Variants in THSD4 observed in about 807,000 individuals in gnomAD.
THSD4 encodes the protein thrombospondin type-1 domain-containing protein 4.
In THSD4, 69 loss-of-function variants were observed where a neutral mutation model predicts 119.0. That is an observed-to-expected ratio of 0.58 (90% CI 0.48 to 0.71). The LOEUF (loss-of-function observed/expected upper bound fraction) is 0.71. Among genes scored for constraint, THSD4 ranks in the 30% least tolerant of loss-of-function variants. The pLI, the probability that THSD4 is intolerant of heterozygous loss-of-function variation, is 0.00. For missense variants in THSD4, 1,393 were observed against 1,391.1 expected, an observed-to-expected ratio of 1.00 and a Z score of -0.02; for synonymous variants, 524 against 540.4, an observed-to-expected ratio of 0.97 and a Z score of 0.42.
In THSD4 at chr15:71,343,129, A is replaced by G. The variant is rs149983106; in HGVS notation, c.1016-68558A>G. On this transcript the variant is annotated intron_variant, in intron 6 of 17. Coordinates refer to ENST00000261862, the MANE Select transcript of THSD4 (RefSeq NM_024817.3). ...GACTAAGCCAGTGGCTCATGCCTGT[A>G]ATCCCAACATTTTGGGAGGCAGAGG... Among the ~76,000 whole-genome samples, 17 of 152,292 alleles carry G rather than the reference A, an allele frequency of 1.1e-4. No individual in the cohort carries two copies. In the East Asian group the frequency reaches 3.3e-3, roughly 29 times the overall value.
chr15:71,709,018 G>A (rs1342717184), intron 8 of THSD4, among the ~76,000 whole-genome samples: 1 of 152,192 alleles, frequency 6.6e-6, no homozygotes. Flanking sequence ...GTGCAGTTAC[G>A]TGGGAGGTAG....
At chr15:71,531,653 CAG>C (rs2048611745) in intron 7 of THSD4, among the ~76,000 whole-genome samples, 1 of 152,230 alleles carries the variant, frequency 6.6e-6, no homozygotes, top group Admixed American at 6.5e-5. Flanking sequence ...TTATTTAAAA[CAG>C]AGAATACACT....
intron 3 of THSD4, among the ~76,000 whole-genome samples, chr15:71,194,779 G>A (rs142833702): frequency 5.3e-5 from 8 of 152,236 alleles, no homozygotes; most frequent in African/African-American, 1.7e-4. Context: ...CATTCACTTC[G>A]GTGGCTCCCA....
Position 71,510,413 on chromosome 15 carries a change from T to C in THSD4, c.1152+98590T>C, listed in dbSNP as rs115706880. Among the ~76,000 whole-genome samples, 1,233 of 152,300 alleles carry C rather than the reference T, an allele frequency of 8.1e-3. 19 individuals carry two copies. The highest frequency in any genetic ancestry group is 0.028 in the African/African-American group (1,160 of 41,566). On this transcript the variant is annotated intron_variant, in intron 7 of 17. Coordinates refer to ENST00000261862, the MANE Select transcript of THSD4 (RefSeq NM_024817.3). ...TGGAGCTTATCTTTCAGAGGGGAGATTGATAATAAATGCACGGACATAGAA... is the reference window on the plus strand; with the variant it reads ...TGGAGCTTATCTTTCAGAGGGGAGACTGATAATAAATGCACGGACATAGAA...
chr15:71,426,873 T>G (rs978141408), intron 7 of THSD4, among the ~76,000 whole-genome samples: 2 of 152,220 alleles, frequency 1.3e-5, no homozygotes, highest in East Asian at 3.8e-4. Context: ...AGATTAAAAT[T>G]ATTCAGTAAA....
At chr15:71,195,653 G>GT in intron 3 of THSD4, among the ~76,000 whole-genome samples, 2 of 152,284 alleles carry the variant, frequency 1.3e-5, no homozygotes, top group South Asian at 4.1e-4. Context: ...TGGTACTGAG[G>GT]ATCCACTGAA....
rs146054505 is a variant in THSD4 at position 71,379,660 on chromosome 15, G to A, written c.1016-32027G>A. On this transcript the variant is annotated intron_variant, in intron 6 of 17. Coordinates refer to ENST00000261862, the MANE Select transcript of THSD4 (RefSeq NM_024817.3). Reference sequence around the variant, plus strand: ...TTTTTAGTAGAGACAGGGTTTCACCGTGTTAGCCAGGATGGTCTCAATCTC... The same window carrying A: ...TTTTTAGTAGAGACAGGGTTTCACCATGTTAGCCAGGATGGTCTCAATCTC... 5.8e-3 allele frequency among the ~76,000 whole-genome samples: 881 copies of A among 151,382 alleles called. 9 individuals are homozygous for A. Among genetic ancestry groups the A allele is most frequent in the African/African-American group, 0.017 (711 of 41,330 alleles).
chr15:71,361,570 C>T (rs764265564), intron 6 of THSD4, among the ~76,000 whole-genome samples: 4 of 152,208 alleles, frequency 2.6e-5, no homozygotes, highest in Non-Finnish European at 5.9e-5. Context: ...TGGGGAACTT[C>T]TCTGTGGAAA....
intron 6 of THSD4, among the ~76,000 whole-genome samples, chr15:71,364,339 G>A (rs188987111): frequency 1.3e-5 from 2 of 152,344 alleles, no homozygotes; most frequent in East Asian, 3.9e-4. Flanking sequence ...AGAGGCCATT[G>A]TATCAAATGA....
intron 7 of THSD4, among the ~76,000 whole-genome samples, chr15:71,450,950 G>A (rs1390327527): frequency 1.3e-5 from 2 of 152,180 alleles, no homozygotes; most frequent in African/African-American, 4.8e-5. Flanking sequence ...GGCCAGAGCG[G>A]ATGGATTGCT....
At chr15:71,352,927 A>C (rs1330795385) in intron 6 of THSD4, among the ~76,000 whole-genome samples, 1 of 152,264 alleles carries the variant, frequency 6.6e-6, no homozygotes, top group East Asian at 1.9e-4. Flanking sequence ...GCAATGGCTC[A>C]CAAGCCCAAA....
At chr15:71,415,677 T>G (rs1206786528) in intron 7 of THSD4, among the ~76,000 whole-genome samples, 1 of 152,202 alleles carries the variant, frequency 6.6e-6, no homozygotes, top group African/African-American at 2.4e-5. Flanking sequence ...ACCTCCCCTT[T>G]AACCCCCAAC....
chr15:71,265,765 T>TG (rs983854812), intron 6 of THSD4, among the ~76,000 whole-genome samples: 58 of 151,798 alleles, frequency 3.8e-4, no homozygotes, highest in East Asian at 1.7e-3. Flanking sequence ...TTGAGCTTTG[T>TG]GGGGGGGGAG....
At chr15:71,598,521 A>G (rs2049947710) in intron 7 of THSD4, among the ~76,000 whole-genome samples, 1 of 152,034 alleles carries the variant, frequency 6.6e-6, no homozygotes, top group Admixed American at 6.6e-5. Flanking sequence ...TGCAGACGTC[A>G]TTTCTCCATT....
chr15:71,341,300 G>T (rs747803988), intron 6 of THSD4: 13 of 1,600,302 alleles, frequency 8.1e-6, no homozygotes, highest in Non-Finnish European at 1.1e-5. Flanking sequence ...GCTCATGTAT[G>T]GGTTAATCCG....
intron 6 of THSD4, among the ~76,000 whole-genome samples, chr15:71,335,649 G>A (rs1167780322): frequency 6.6e-6 from 1 of 152,106 alleles, no homozygotes; most frequent in East Asian, 1.9e-4. Flanking sequence ...TGAACTTCAA[G>A]GCCCAATTTC....
intron 6 of THSD4, among the ~76,000 whole-genome samples, chr15:71,309,014 ATC>A (rs1357341039): frequency 6.6e-6 from 1 of 152,194 alleles, no homozygotes; most frequent in East Asian, 1.9e-4. Context: ...CAGTGGCACT[ATC>A]TCGGCTCACT....
chr15:71,723,743 G>A (rs1209478537), intron 8 of THSD4, among the ~76,000 whole-genome samples: 4 of 152,238 alleles, frequency 2.6e-5, no homozygotes, highest in African/African-American at 7.2e-5. Flanking sequence ...CTAGGGGTGG[G>A]AGAAGACTGC....
chr15:71,559,948 A>G (rs1472465174), intron 7 of THSD4, among the ~76,000 whole-genome samples: 1 of 152,176 alleles, frequency 6.6e-6, no homozygotes, highest in Non-Finnish European at 1.5e-5. Context: ...ATATTTAATA[A>G]ATGAAAATAT....
Sources: allele counts gnomAD v4.1 joint callset (sites outside exome capture counted in the v4.1 genomes callset), GRCh38; gene constraint gnomAD v4.1.1; transcripts MANE v1.5; gene names NCBI Gene and HGNC (gene_info 2026-07-23, HGNC 2026-07-21).